Variants in ZNF839 observed in about 807,000 individuals in gnomAD.
The protein encoded by ZNF839 is zinc finger protein 839, also known as renal carcinoma antigen NY-REN-50.
In ZNF839, 38 loss-of-function variants were observed where a neutral mutation model predicts 56.4. That is an observed-to-expected ratio of 0.67 (90% CI 0.52 to 0.88). ZNF839 has a LOEUF of 0.88. Among genes scored for constraint, ZNF839 ranks in the 40% least tolerant of loss-of-function variants. ZNF839 has a pLI of 0.00. For missense variants in ZNF839, 1,091 were observed against 1,177.6 expected (o/e 0.93, Z 1.08); for synonymous variants, 486 against 493.5 (o/e 0.98, Z 0.20).
In ZNF839 at chr14:102,331,813, G is replaced by T; in HGVS notation, c.1383G>T (p.Gln461His). The part of the protein sequence containing the change: ...LPGGPAAAGE[Q>H]RASPSKARLK... The stretch of plus-strand genomic sequence containing the variant: ...GTGGCCCTGCTGCGGCAGGGGAGCA[G>T]AGGGCGTCGCCAAGCAAAGCCAGGC... The change falls in exon 3 of 8, where the codon CAG becomes CAT. Residue 461 changes from glutamine (Q) to histidine (H), a missense_variant. Transcript: ENST00000442396. 6.3e-7 allele frequency: 1 copy of T among 1,584,166 alleles called. No individual in the cohort carries two copies. The highest frequency in any genetic ancestry group is 8.6e-7 in the Non-Finnish European group (1 of 1,167,144).
chr14:102,319,700 C>G (rs1280218915), upstream of ZNF839: 7 of 1,220,488 alleles, frequency 5.7e-6, no homozygotes, highest in Non-Finnish European at 7.1e-6. This position sits in a 1 kb window ranked among gnomAD's most constrained non-coding sequence, Gnocchi z 4.5. Context: ...CGCCCCTCTC[C>G]TAGGTGACGT....
At chr14:102,321,991 C>G (rs949880721) in intron 1 of ZNF839, among the ~76,000 whole-genome samples, 7 of 152,124 alleles carry the variant, frequency 4.6e-5, no homozygotes, top group African/African-American at 1.4e-4. Flanking sequence ...CCTCCCTCTT[C>G]CCCACCCCAC....
At chr14:102,336,951 C>T (rs921318240) in intron 5 of ZNF839, 1 of 181,468 alleles carries the variant, frequency 5.5e-6, no homozygotes, top group Non-Finnish European at 1.2e-5. Flanking sequence ...CCACTCTGGT[C>T]TTGAACTCCA....
intron 1 of ZNF839, among the ~76,000 whole-genome samples, chr14:102,325,651 C>T (rs770395513): frequency 2.6e-5 from 4 of 151,882 alleles, no homozygotes; most frequent in African/African-American, 9.7e-5. Flanking sequence ...TGCATCACCA[C>T]GCCCAGCTCA....
rs1221950156 is a variant in ZNF839 at position 102,341,878 on chromosome 14, A to G, written c.2483A>G (p.His828Arg). 8 of 1,613,938 alleles carry G rather than the reference A, an allele frequency of 5.0e-6. No individual in the cohort carries two copies. The highest frequency in any genetic ancestry group is 2.2e-5 in the South Asian group (2 of 91,092). Residue 828 changes from histidine to arginine, a missense_variant, in exon 8 of 8, where the codon CAT becomes CGT. This residue lies in a region of ZNF839 where 431 missense variants were observed against 468.0 expected (regional missense o/e 0.92). Coordinates refer to ENST00000442396, the MANE Select transcript of ZNF839 (RefSeq NM_018335.6). ...VPKPGPQPGP[H>R]GSLLTEGCLR... ...AAGCCAGGGCCTCAGCCTGGCCCAC[A>G]TGGATCACTATTGACTGAAGGGTGT...
chr14:102,323,409 G>A (rs927740449), intron 1 of ZNF839, among the ~76,000 whole-genome samples: 2 of 152,218 alleles, frequency 1.3e-5, no homozygotes, highest in South Asian at 2.1e-4. Flanking sequence ...GTGAGGGCGG[G>A]AGCCTTGTTT....
At position 102,341,961 on chromosome 14, in the gene ZNF839, G is replaced by A. The variant is rs1886578065; in HGVS notation, c.2566G>A (p.Gly856Ser). 1.9e-6 allele frequency: 3 copies of A among 1,613,938 alleles called. No individual in the cohort carries two copies. Among genetic ancestry groups the A allele is most frequent in the Non-Finnish European group, 2.5e-6 (3 of 1,179,894 alleles). Residue 856 changes from glycine to serine, a missense_variant, in exon 8 of 8, where the codon GGC becomes AGC. Physicochemically the swap from Gly to Ser is moderately conservative, Grantham distance 56 (BLOSUM62 0). This residue lies in a region of ZNF839 where 431 missense variants were observed against 468.0 expected (regional missense o/e 0.92). Transcript: ENST00000442396. Reference protein sequence around the residue: ...RFPCGMEVHSGQRELESVVAV... With the variant: ...RFPCGMEVHSSQRELESVVAV... ...CCCCTGTGGGATGGAGGTGCACTCT[G>A]GCCAGAGAGAACTGGAGAGCGTGGT...
Position 102,326,522 on chromosome 14 carries a change from C to A in ZNF839, c.826C>A (p.His276Asn). ...FIKTEDLADG[H>N]LSDSDDYSEL... ...AAAAACAGAGGATCTGGCGGATGGTCATCTGTCAGATTCTGATGATTACTC... is the reference window on the plus strand; with the variant it reads ...AAAAACAGAGGATCTGGCGGATGGTAATCTGTCAGATTCTGATGATTACTC... The change falls in exon 2 of 8, where the codon CAT becomes AAT. Residue 276 changes from histidine (H) to asparagine (N), a missense_variant. His to Asn is a moderately conservative substitution (Grantham distance 68). Transcript: ENST00000442396. This position sits in a 1 kb window ranked among gnomAD's most constrained non-coding sequence, Gnocchi z 4.3. 1 of 1,613,948 alleles carries A rather than the reference C, an allele frequency of 6.2e-7. No individual in the cohort carries two copies. Among genetic ancestry groups the A allele is most frequent in the South Asian group, 1.1e-5 (1 of 91,042 alleles).
chr14:102,320,558 A>T (rs144022106), intron 1 of ZNF839, among the ~76,000 whole-genome samples: 261 of 152,294 alleles, frequency 1.7e-3, no homozygotes, highest in African/African-American at 6.1e-3. Context: ...AATTAAAAGG[A>T]ACCAACTTAG....
At chr14:102,320,747 T>C (rs937271106) in intron 1 of ZNF839, among the ~76,000 whole-genome samples, 1 of 152,130 alleles carries the variant, frequency 6.6e-6, no homozygotes, top group African/African-American at 2.4e-5. Flanking sequence ...CTACAAAACA[T>C]CCTTTCCCAG....
chr14:102,334,434 C>T (rs1481556860), intron 3 of ZNF839, 120 bp from the exon 4 acceptor site: 4 of 686,254 alleles, frequency 5.8e-6, no homozygotes, highest in Non-Finnish European at 1.1e-5. Flanking sequence ...TTTAGAGTTA[C>T]TTGGTCACTG....
At chr14:102,318,102 CGCT>C (rs1394164101), upstream of ZNF839, among the ~76,000 whole-genome samples, 1 of 152,214 alleles carries the variant, frequency 6.6e-6, no homozygotes, top group Non-Finnish European at 1.5e-5. Context: ...CAGCCGATGG[CGCT>C]GCTGCTATTA....
rs1567285203 is a variant in ZNF839 at position 102,326,099 on chromosome 14, CG to C, written c.408del (p.Asn137IlefsTer21). ...PQTARKSQLP[R>X]GNSCLVGLHI... ...AACTGCAAGAAAGAGCCAGCTGCCCCGGGGGAATTCCTGCCTGGTGGGGCTC... is the reference window on the plus strand; with the variant it reads ...AACTGCAAGAAAGAGCCAGCTGCCCCGGGGAATTCCTGCCTGGTGGGGCTC... On this transcript the variant is annotated frameshift_variant, in exon 2 of 8. Transcript: ENST00000442396. LOFTEE classifies it high-confidence loss of function. The surrounding 1 kb of genome is among the most constrained non-coding windows in gnomAD (Gnocchi z 4.3). 7.4e-6 allele frequency: 12 copies of C among 1,613,810 alleles called. No homozygotes were observed. Among genetic ancestry groups the C allele is most frequent in the South Asian group, 3.3e-5 (3 of 91,078 alleles).
chr14:102,334,407 G>C (rs2073925743), intron 3 of ZNF839, 147 bp from the exon 4 acceptor site: 1 of 626,294 alleles, frequency 1.6e-6, no homozygotes, highest in Admixed American at 2.4e-5. Flanking sequence ...AGGTGAAATA[G>C]TTAATAAAGC....
chr14:102,317,982 G>A (rs1029299696), upstream of ZNF839, among the ~76,000 whole-genome samples: 1 of 152,150 alleles, frequency 6.6e-6, no homozygotes, highest in African/African-American at 2.4e-5. Flanking sequence ...ACCTGTTTTT[G>A]AAAATTCTAC....
In ZNF839 at chr14:102,331,442, G is replaced by A. The variant is rs1038131626; in HGVS notation, c.1192-180G>A. Reference sequence around the variant, plus strand: ...TTTTTGTATTCTTAGTAGAGATGGGGTTTCACCATGCTGGCCAGGTCGGTC... The same window carrying A: ...TTTTTGTATTCTTAGTAGAGATGGGATTTCACCATGCTGGCCAGGTCGGTC... On this transcript the variant is annotated intron_variant, in intron 2 of 7. Transcript: ENST00000442396. The A allele has an allele frequency of 1.3e-4, 74 of 575,760 alleles. No homozygotes were observed. In the African/African-American group the frequency reaches 1.3e-3, roughly 10 times the overall value. 35.7% of individuals were successfully genotyped at this position (575,760 alleles called of 1,614,324 possible). A position where few individuals can be genotyped will look rare whatever the true frequency, so the allele number is the denominator to read the frequency against.
At chr14:102,334,844 G>A (rs2073946450) in intron 4 of ZNF839, 198 bp downstream of exon 4, 1 of 234,220 alleles carries the variant, frequency 4.3e-6, no homozygotes, top group Admixed American at 5.3e-5. Flanking sequence ...CTGGTCTCTA[G>A]CAATCCTTCC....
intron 3 of ZNF839, among the ~76,000 whole-genome samples, chr14:102,333,975 C>A (rs1298471732): frequency 2.0e-5 from 3 of 152,236 alleles, no homozygotes; most frequent in Non-Finnish European, 4.4e-5. Context: ...CCCTCATCTC[C>A]CTCCCCTGCC....
Position 102,319,978 on chromosome 14 carries a change from C to A in ZNF839, c.213C>A (p.Asp71Glu). ...VLRDAARRLR[D>E]AAQQAALQRG... Reference sequence around the variant, plus strand: ...GGGACGCGGCGCGGCGGCTGCGGGACGCGGCCCAACAGGCCGCCCTGCAGC... The same window carrying A: ...GGGACGCGGCGCGGCGGCTGCGGGAAGCGGCCCAACAGGCCGCCCTGCAGC... The change falls in exon 1 of 8, where the codon GAC (aspartate) becomes GAA (glutamate). Residue 71 changes from aspartate (D) to glutamate (E), a missense_variant. Physicochemically the swap from Asp to Glu is conservative, Grantham distance 45. This residue lies in a region of ZNF839 where 614 missense variants were observed against 629.2 expected (regional missense o/e 0.98). Transcript: ENST00000442396. The surrounding 1 kb of genome is among the most constrained non-coding windows in gnomAD (Gnocchi z 4.5). 1 of 1,173,066 alleles carries A rather than the reference C, an allele frequency of 8.5e-7. No individual in the cohort carries two copies. The highest frequency in any genetic ancestry group is 4.1e-5 in the South Asian group (1 of 24,268). The allele number at this position is 1,173,066 out of a possible 1,614,324, so 72.7% of individuals were successfully genotyped here. A position where few individuals can be genotyped will look rare whatever the true frequency, so the allele number is the denominator to read the frequency against.
Sources: gnomAD v4.1 joint callset for allele counts (sites outside exome capture counted in the v4.1 genomes callset) on GRCh38, gnomAD v4.1.1 for gene constraint, gnomAD v4.1.1 regional missense constraint, Gnocchi (gnomAD v3.1) non-coding constraint, MANE v1.5 for transcripts, NCBI Gene and HGNC (gene_info 2026-07-23, HGNC 2026-07-21) for gene names.